Variants in GLIS3 observed in about 807,000 individuals in gnomAD.
The protein encoded by GLIS3 is GLIS family zinc finger 3, also known as zinc finger protein GLIS3.
Under a neutral mutation model 78.6 loss-of-function variants are expected in GLIS3, and 53 were observed. The observed-to-expected ratio is 0.67, with a 90% CI of 0.54 to 0.85. GLIS3 has a LOEUF of 0.85. Among genes scored for constraint, GLIS3 ranks in the 40% least tolerant of loss-of-function variants. The pLI, the probability that GLIS3 is intolerant of heterozygous loss-of-function variation, is 0.00. For missense variants in GLIS3, 1,703 were observed against 1,231.1 expected (o/e 1.38, Z -5.74); for synonymous variants, 684 against 509.9 (o/e 1.34, Z -4.60).
chr9:4,200,342 C>G (rs1164532382), intron 2 of GLIS3, among the ~76,000 whole-genome samples: 1 of 151,550 alleles, frequency 6.6e-6, no homozygotes, highest in Non-Finnish European at 1.5e-5. Flanking sequence ...ACCCAGAAAT[C>G]CATAAAGAAT....
At chr9:4,456,870 A>C in the GLIS3 span, among the ~76,000 whole-genome samples, 1,090 of 152,324 alleles carry the variant, frequency 7.2e-3, 10 homozygotes, top group African/African-American at 0.024. Context: ...GGTTCATGGT[A>C]TCCCAAAACA....
the GLIS3 span, among the ~76,000 whole-genome samples, chr9:4,441,428 A>G: frequency 1.3e-5 from 2 of 152,178 alleles, no homozygotes. Context: ...TTGTTAATGA[A>G]TCACATTTAT....
chr9:4,426,992 T>A, the GLIS3 span, among the ~76,000 whole-genome samples: 578 of 152,364 alleles, frequency 3.8e-3, 4 homozygotes, highest in African/African-American at 0.013. Context: ...GTAGAGCCCA[T>A]GTCTTAGTCA....
At chr9:3,982,948 CAAAG>C (rs1404616735) in intron 4 of GLIS3, among the ~76,000 whole-genome samples, 4 of 152,158 alleles carry the variant, frequency 2.6e-5, no homozygotes, top group African/African-American at 9.7e-5. Context: ...GAGTGAAAAT[CAAAG>C]TGAAGGACAT....
intron 2 of GLIS3, among the ~76,000 whole-genome samples, chr9:4,157,442 T>C (rs940948734): frequency 3.3e-5 from 5 of 152,154 alleles, no homozygotes; most frequent in African/African-American, 1.2e-4. Flanking sequence ...GTTCATCTCA[T>C]GTTATTTAGC....
chr9:4,053,043 G>A lies in GLIS3; in HGVS notation c.1710+64725C>T, dbSNP rs143158053. On this transcript the variant is annotated intron_variant, in intron 4 of 10. Coordinates refer to ENST00000381971, the MANE Select transcript of GLIS3 (RefSeq NM_001042413.2). ...GTTCACTGCAATCTCTGCCTCCTAA[G>A]TTCAAGCAATTCTCCTGCCTCAGCC... Among the ~76,000 whole-genome samples, 1,199 of 152,268 alleles carry A rather than the reference G, an allele frequency of 7.9e-3. 15 individuals are homozygous for A. Among genetic ancestry groups the A allele is most frequent in the African/African-American group, 0.028 (1,144 of 41,552 alleles).
intron 2 of GLIS3, among the ~76,000 whole-genome samples, chr9:4,312,164 T>TG (rs1817371733): frequency 6.6e-6 from 1 of 152,220 alleles, no homozygotes; most frequent in Admixed American, 6.5e-5. Context: ...TTTTTGTTTT[T>TG]TTAAAAGAAA....
At chr9:4,329,130 A>G (rs1341246534) in intron 2 of GLIS3, among the ~76,000 whole-genome samples, 1 of 152,178 alleles carries the variant, frequency 6.6e-6, no homozygotes, top group Non-Finnish European at 1.5e-5. Flanking sequence ...CGACTTGGGC[A>G]GCTGTGTGAG....
intron 4 of GLIS3, among the ~76,000 whole-genome samples, chr9:4,030,998 A>G (rs1035311406): frequency 1.3e-5 from 2 of 152,192 alleles, no homozygotes; most frequent in African/African-American, 2.4e-5. Flanking sequence ...GGAAAATAAC[A>G]AGTGTTGGCC....
rs141412126 is a variant in GLIS3, at chr9:4,159,030, G to GAAAAAAAAAAAAAAAA, written c.389-33090_389-33089insTTTTTTTTTTTTTTTT. On this transcript the variant is annotated intron_variant, in intron 2 of 10. Transcript: ENST00000381971. Reference sequence around the variant, plus strand: ...GCTTGGTATGCTAGAGAAAGGAGAAGAAGAAAAAAAAAAAAAAAAGCCAGG... The same window carrying GAAAAAAAAAAAAAAAA: ...GCTTGGTATGCTAGAGAAAGGAGAAGAAAAAAAAAAAAAAAAAAGAAAAAAAAAAAAAAAAGCCAGG... Among the ~76,000 whole-genome samples the GAAAAAAAAAAAAAAAA allele has an allele frequency of 2.0e-3, 158 of 78,990 alleles. 17 individuals carry two copies. The highest frequency in any genetic ancestry group is 3.7e-3 in the African/African-American group (77 of 20,556). 51.8% of individuals were successfully genotyped at this position (78,990 alleles called of 152,430 possible).
Position 3,968,173 on chromosome 9 carries a change from T to C in GLIS3, c.1711-30984A>G, listed in dbSNP as rs117786639. Among the ~76,000 whole-genome samples, 525 of 152,232 alleles carry C rather than the reference T, an allele frequency of 3.4e-3. 3 individuals carry two copies. The highest frequency in any genetic ancestry group is 0.01 in the Middle Eastern group (3 of 294). ...ATCTATTGTCACTAGTCTAAGGGGG[T>C]GAAGACCTTGGCAGCATGATTTTAT... On this transcript the variant is annotated intron_variant, in intron 4 of 10. Transcript: ENST00000381971.
At chr9:3,848,645 C>A (rs1453729475) in intron 9 of GLIS3, among the ~76,000 whole-genome samples, 1 of 152,208 alleles carries the variant, frequency 6.6e-6, no homozygotes, top group Non-Finnish European at 1.5e-5. Context: ...GAGTAAACAG[C>A]CAACTGAGGA....
chr9:4,179,603 A>G (rs1817116105), intron 2 of GLIS3, among the ~76,000 whole-genome samples: 1 of 152,152 alleles, frequency 6.6e-6, no homozygotes, highest in South Asian at 2.1e-4. Context: ...GCCTTTAAAG[A>G]TCATCGTTTA....
chr9:4,186,205 G>C (rs903657871), intron 2 of GLIS3, among the ~76,000 whole-genome samples: 11 of 137,974 alleles, frequency 8.0e-5, no homozygotes, highest in Admixed American at 2.5e-4. Flanking sequence ...GTGTCCACGT[G>C]TTCTCATTGT....
chr9:4,327,780 A>T (rs532032041), intron 2 of GLIS3, among the ~76,000 whole-genome samples: 1 of 152,202 alleles, frequency 6.6e-6, no homozygotes, highest in African/African-American at 2.4e-5. Flanking sequence ...ACAGTAGGCA[A>T]GAAGTGTCTC....
chr9:4,147,807 G>A (rs1416579555), intron 2 of GLIS3, among the ~76,000 whole-genome samples: 5 of 78,918 alleles, frequency 6.3e-5, no homozygotes, highest in African/African-American at 2.1e-4. Context: ...CACTTGCTGA[G>A]TTCATACCAA....
At chr9:4,009,610 G>C (rs1236872023) in intron 4 of GLIS3, among the ~76,000 whole-genome samples, 1 of 152,214 alleles carries the variant, frequency 6.6e-6, no homozygotes, top group African/African-American at 2.4e-5. Flanking sequence ...TTGTTCTAAT[G>C]CTCCCCAAGA....
intron 2 of GLIS3, among the ~76,000 whole-genome samples, chr9:4,338,023 GCTGT>G (rs1394910441): frequency 1.3e-3 from 152 of 115,804 alleles, no homozygotes; most frequent in African/African-American, 5.1e-3. Flanking sequence ...GATTGGCAAG[GCTGT>G]GTGTGTGTGT....
intron 2 of GLIS3, among the ~76,000 whole-genome samples, chr9:4,219,091 T>A (rs994043974): frequency 3.9e-5 from 6 of 152,200 alleles, no homozygotes; most frequent in Non-Finnish European, 8.8e-5. Flanking sequence ...TTTACCACAA[T>A]CCTCCACTAA....
Sources: allele counts gnomAD v4.1 joint callset (sites outside exome capture counted in the v4.1 genomes callset), GRCh38; gene constraint gnomAD v4.1.1; transcripts MANE v1.5; gene names NCBI Gene and HGNC (gene_info 2026-07-23, HGNC 2026-07-21).